The following PPP4C variants were observed in gnomAD, a reference collection of about 807,000 sequenced individuals.
PPP4C encodes the protein protein phosphatase 4 catalytic subunit.
PPP4C carries 10 observed loss-of-function variants against 40.5 expected under a neutral mutation model. The ratio of observed to expected loss-of-function variants is 0.25; its 90% CI spans 0.15 to 0.42. The LOEUF (loss-of-function observed/expected upper bound fraction) is 0.42, where lower values mean the gene tolerates loss of function less well. Ranked by LOEUF, PPP4C falls within the 10% of genes least tolerant of loss-of-function variation. PPP4C has a pLI of 1.00. For missense variants in PPP4C, 191 were observed against 416.4 expected, an observed-to-expected ratio of 0.46 and a Z score of 4.71; for synonymous variants, 187 against 163.6, an observed-to-expected ratio of 1.14 and a Z score of -1.09.
At position 30,085,226 on chromosome 16, in the gene PPP4C, C is replaced by A; in HGVS notation, c.*164C>A. On this transcript the variant is annotated 3_prime_UTR_variant, in exon 9 of 9. Transcript: ENST00000279387. ...GACTTCTCTGGAGAGGCCTGGAGACCTAGCTCCATGTTCCTCCTCCTCTCT... is the reference window on the plus strand; with the variant it reads ...GACTTCTCTGGAGAGGCCTGGAGACATAGCTCCATGTTCCTCCTCCTCTCT... The A allele has an allele frequency of 1.4e-6, 1 of 718,250 alleles. No homozygotes were observed. The highest frequency in any genetic ancestry group is 2.7e-5 in the East Asian group (1 of 36,974). 44.5% of individuals were successfully genotyped at this position (718,250 alleles called of 1,614,324 possible). A position where few individuals can be genotyped will look rare whatever the true frequency, so the allele number is the denominator to read the frequency against.
In PPP4C at chr16:30,076,032, T is replaced by C. The variant is rs550678850; in HGVS notation, c.-126T>C. 5.3e-3 allele frequency: 1,930 copies of C among 364,250 alleles called. 15 individuals carry two copies. The highest frequency in any genetic ancestry group is 0.02 in the African/African-American group (858 of 43,844). 22.6% of individuals were successfully genotyped at this position (364,250 alleles called of 1,614,324 possible). A position where few individuals can be genotyped will look rare whatever the true frequency, so the allele number is the denominator to read the frequency against. On this transcript the variant is annotated 5_prime_UTR_variant, in exon 1 of 9. Transcript: ENST00000279387. ...GCGGCGGCGGCGGCGGCGGCGGCGG[T>C]CGAAAGCGGAGTGAAAGAGGGAGGC...
chr16:30,083,489 G>A lies in PPP4C; in HGVS notation c.399G>A (p.Lys133=). ...GCTTCTACGATGAGTGCCTGCGCAAGTACGGCTCGGTGACTGTGTGGCGCT... is the reference window on the plus strand; with the variant it reads ...GCTTCTACGATGAGTGCCTGCGCAAATACGGCTCGGTGACTGTGTGGCGCT... The part of the protein sequence containing the change: ...VYGFYDECLR[K]YGSVTVWRYC... The change falls in exon 6 of 9, where the codon AAG becomes AAA. Residue 133 remains lysine (K), a synonymous_variant. Coordinates refer to ENST00000279387, the MANE Select transcript of PPP4C (RefSeq NM_002720.3). The surrounding 1 kb of genome is among the most constrained non-coding windows in gnomAD (Gnocchi z 6.3). The A allele has an allele frequency of 6.2e-7, 1 of 1,614,142 alleles. No homozygotes were observed. Among genetic ancestry groups the A allele is most frequent in the South Asian group, 1.1e-5 (1 of 91,092 alleles).
At chr16:30,076,294 G>C in intron 1 of PPP4C, 21 bp from the exon 2 acceptor site, 1 of 1,380,886 alleles carries the variant, frequency 7.2e-7, no homozygotes, top group Non-Finnish European at 1.0e-6. Context: ...TGATCCGCGG[G>C]CTCGTCTTGG....
chr16:30,081,795 C>A (rs1211461337), intron 3 of PPP4C: 2 of 160,974 alleles, frequency 1.2e-5, no homozygotes, highest in African/African-American at 4.8e-5. Flanking sequence ...CGGCTCACGC[C>A]TGTAATCCCA....
At chr16:30,081,179 C>A in intron 2 of PPP4C, 80 bp from the exon 3 acceptor site, 1 of 1,601,144 alleles carries the variant, frequency 6.2e-7, no homozygotes, top group South Asian at 1.1e-5. Context: ...TGCCTCATAT[C>A]CTCCCCTCCC....
intron 2 of PPP4C, among the ~76,000 whole-genome samples, chr16:30,079,590 A>T (rs945305470): frequency 2.0e-5 from 3 of 152,156 alleles, no homozygotes; most frequent in African/African-American, 7.2e-5. Context: ...TCAGCACAAG[A>T]AGCAGTGCAG....
At chr16:30,080,849 G>A (rs2072492307) in intron 2 of PPP4C, among the ~76,000 whole-genome samples, 1 of 152,160 alleles carries the variant, frequency 6.6e-6, no homozygotes, top group South Asian at 2.1e-4. Flanking sequence ...GGCCTGCCCT[G>A]GGCACCTACC....
At chr16:30,078,008 A>G (rs1017085247) in intron 2 of PPP4C, among the ~76,000 whole-genome samples, 1 of 152,076 alleles carries the variant, frequency 6.6e-6, no homozygotes, top group African/African-American at 2.4e-5. Flanking sequence ...GACCAGCCCC[A>G]TGGTGTTTTT....
At chr16:30,080,240 G>A (rs991133635) in intron 2 of PPP4C, among the ~76,000 whole-genome samples, 1 of 150,966 alleles carries the variant, frequency 6.6e-6, no homozygotes. Context: ...AGCTACTCGG[G>A]AGGTTGAGGC....
At chr16:30,081,716 C>T (rs1266447046) in intron 3 of PPP4C, 4 of 156,976 alleles carry the variant, frequency 2.5e-5, no homozygotes, top group Non-Finnish European at 4.2e-5. Flanking sequence ...GCACTCCAGC[C>T]TGGGTGACAG....
intron 5 of PPP4C, 51 bp downstream of exon 5, chr16:30,082,898 CCTGT>C (rs764172405): frequency 5.3e-6 from 8 of 1,503,754 alleles, no homozygotes; most frequent in South Asian, 2.3e-5. Flanking sequence ...TCGGGCCGGG[CCTGT>C]CTTAGTCCGT....
At chr16:30,081,107 C>T (rs1029356981) in intron 2 of PPP4C, 152 bp from the exon 3 acceptor site, 34 of 1,015,680 alleles carry the variant, frequency 3.3e-5, no homozygotes, top group East Asian at 7.3e-5. Flanking sequence ...GCTGAAGGGC[C>T]GTGGTCAGCC....
intron 2 of PPP4C, among the ~76,000 whole-genome samples, chr16:30,080,075 T>G (rs111998175): frequency 0.012 from 1,758 of 152,252 alleles, 31 homozygotes; most frequent in African/African-American, 0.04. Flanking sequence ...CTGGGTGCAG[T>G]GGCTCACATC....
intron 2 of PPP4C, among the ~76,000 whole-genome samples, chr16:30,078,166 T>C (rs994727849): frequency 1.2e-4 from 18 of 152,212 alleles, no homozygotes; most frequent in African/African-American, 3.9e-4. Flanking sequence ...TTAGATAGCA[T>C]GCTGGAGTTT....
At chr16:30,081,484 C>T (rs940421381) in intron 3 of PPP4C, 174 bp downstream of exon 3, 7 of 543,866 alleles carry the variant, frequency 1.3e-5, no homozygotes, top group Admixed American at 3.1e-5. Flanking sequence ...TTGGCTCACA[C>T]CTGTGATCCC....
chr16:30,084,133 T>C (rs2072564621), intron 7 of PPP4C, among the ~76,000 whole-genome samples: 1 of 152,204 alleles, frequency 6.6e-6, no homozygotes. Flanking sequence ...TCAGGTCTTC[T>C]GAGGACCAGC....
chr16:30,076,871 A>G (rs2072412258), intron 2 of PPP4C, among the ~76,000 whole-genome samples: 1 of 152,216 alleles, frequency 6.6e-6, no homozygotes, highest in Non-Finnish European at 1.5e-5. Context: ...TGTGATTTAT[A>G]AAAGTCTTCT....
Position 30,083,471 on chromosome 16 carries a change from C to CG in PPP4C, c.382dup (p.Asp128GlyfsTer2). 1 of 1,614,186 alleles carries CG rather than the reference C, an allele frequency of 6.2e-7. No homozygotes were observed. On this transcript the variant is annotated frameshift_variant, in exon 6 of 9. Transcript: ENST00000279387. LOFTEE classifies it high-confidence loss of function. This position sits in a 1 kb window ranked among gnomAD's most constrained non-coding sequence, Gnocchi z 6.3. ...AGATCACGCAGGTCTATGGCTTCTA[C>CG]GATGAGTGCCTGCGCAAGTACGGCT... is the stretch of plus-strand genomic sequence containing the variant.
rs1194304200 is a variant in PPP4C, at chr16:30,082,837, T to A, written c.293T>A (p.Leu98Gln). ...AGCGTCGAAACGTTCCTCCTGCTGCTGGCACTTAAGGTGGCAGTCCCCGGC... is the reference window on the plus strand; with the variant it reads ...AGCGTCGAAACGTTCCTCCTGCTGCAGGCACTTAAGGTGGCAGTCCCCGGC... ...FYSVETFLLLLALKVRYPDRI... is the reference protein window; with the variant it reads ...FYSVETFLLLQALKVRYPDRI... The change falls in exon 5 of 9, where the codon CTG becomes CAG. Residue 98 changes from leucine to glutamine, a missense_variant. This residue lies in a region of PPP4C where 171 missense variants were observed against 352.4 expected (regional missense o/e 0.49). Transcript: ENST00000279387. 6.2e-7 allele frequency: 1 copy of A among 1,613,932 alleles called. No homozygotes were observed. Among genetic ancestry groups the A allele is most frequent in the African/African-American group, 1.3e-5 (1 of 74,922 alleles).
Sources: allele counts gnomAD v4.1 joint callset (sites outside exome capture counted in the v4.1 genomes callset), GRCh38; gene constraint gnomAD v4.1.1; regional missense constraint gnomAD v4.1.1; non-coding constraint Gnocchi (gnomAD v3.1); transcripts MANE v1.5; gene names NCBI Gene and HGNC (gene_info 2026-07-23, HGNC 2026-07-21).